Variants in GLIS3 observed in about 807,000 individuals in gnomAD.
The protein encoded by GLIS3 is zinc finger protein GLIS3.
GLIS3 carries 53 observed loss-of-function variants against 78.6 expected under a neutral mutation model. That is an observed-to-expected ratio of 0.67 (90% CI 0.54 to 0.85). The LOEUF (loss-of-function observed/expected upper bound fraction) is 0.85. Among genes scored for constraint, GLIS3 ranks in the 40% least tolerant of loss-of-function variants. The pLI is 0.00. For synonymous variants in GLIS3, 684 were observed against 509.9 expected, an observed-to-expected ratio of 1.34 and a Z score of -4.60; for missense variants, 1,703 against 1,231.1, an observed-to-expected ratio of 1.38 and a Z score of -5.74.
At chr9:4,100,946 T>C (rs1180989071) in intron 4 of GLIS3, among the ~76,000 whole-genome samples, 4 of 152,186 alleles carry the variant, frequency 2.6e-5, no homozygotes, top group African/African-American at 7.2e-5. Flanking sequence ...GCTGGAGTTA[T>C]GTAATATAAT....
intron 4 of GLIS3, among the ~76,000 whole-genome samples, chr9:4,088,640 C>A (rs909384438): frequency 6.6e-6 from 1 of 152,234 alleles, no homozygotes; most frequent in Non-Finnish European, 1.5e-5. Flanking sequence ...TGAGCACCAA[C>A]TATATATTGG....
At chr9:4,217,879 C>G (rs540082616) in intron 2 of GLIS3, among the ~76,000 whole-genome samples, 18 of 152,316 alleles carry the variant, frequency 1.2e-4, no homozygotes, top group Middle Eastern at 3.4e-3. Flanking sequence ...AAACAACCAA[C>G]AGACAATAAT....
intron 8 of GLIS3, chr9:3,875,744 A>T (rs1465489988): frequency 6.6e-6 from 1 of 152,192 alleles, no homozygotes; most frequent in Non-Finnish European, 1.5e-5. Flanking sequence ...CCATACTCAC[A>T]CTTGCCCACT....
At chr9:4,204,712 G>C (rs1819704621) in intron 2 of GLIS3, among the ~76,000 whole-genome samples, 1 of 152,166 alleles carries the variant, frequency 6.6e-6, no homozygotes, top group African/African-American at 2.4e-5. Context: ...GAGCTCAGGA[G>C]TTTGAGACCA....
chr9:3,953,202 GA>G (rs199856847), intron 4 of GLIS3, among the ~76,000 whole-genome samples: 25 of 151,892 alleles, frequency 1.6e-4, no homozygotes, highest in Non-Finnish European at 2.1e-4. Context: ...TCAGGCAGGG[GA>G]AAAAAAATGA....
rs773065162 is a variant in GLIS3, at chr9:3,829,398, C to T, written c.2568G>A (p.Ser856=). Residue 856 remains serine, a synonymous_variant, in exon 10 of 11, where the codon TCG becomes TCA. Coordinates refer to ENST00000381971, the MANE Select transcript of GLIS3 (RefSeq NM_001042413.2). The part of the protein sequence containing the change: ...PPVSSCSVVP[S]FEDCLVPTSM... ...ATGTAGGGACTAGGCAGTCCTCAAA[C>T]GAAGGCACCACACTGCAGGAGCTGA... is the stretch of plus-strand genomic sequence containing the variant. 1.2e-4 allele frequency: 201 copies of T among 1,613,990 alleles called. No individual in the cohort carries two copies. Among genetic ancestry groups the T allele is most frequent in the Admixed American group, 2.3e-4 (14 of 60,006 alleles).
At position 4,107,793 on chromosome 9, in the gene GLIS3, C is replaced by G. The variant is rs569011975; in HGVS notation, c.1710+9975G>C. Among the ~76,000 whole-genome samples the G allele has an allele frequency of 6.0e-5, 9 of 151,178 alleles. No homozygotes were observed. The East Asian group carries it at 1.2e-3, about 20-fold the overall frequency. Reference sequence around the variant, plus strand: ...TGGCTGGCATCATTTTCTGAGGAGCCAGAGACAACAAACTGTTCTTTTCTT... The same window carrying G: ...TGGCTGGCATCATTTTCTGAGGAGCGAGAGACAACAAACTGTTCTTTTCTT... On this transcript the variant is annotated intron_variant, in intron 4 of 10. Transcript: ENST00000381971.
intron 2 of GLIS3, among the ~76,000 whole-genome samples, chr9:4,224,205 T>C (rs1292009192): frequency 8.5e-5 from 13 of 152,150 alleles, no homozygotes; most frequent in African/African-American, 2.2e-4. Flanking sequence ...TCAACTCCTA[T>C]AGGGCTCAGT....
intron 3 of GLIS3, among the ~76,000 whole-genome samples, chr9:4,124,031 T>G (rs1006536882): frequency 2.6e-5 from 4 of 152,200 alleles, no homozygotes; most frequent in Admixed American, 2.6e-4. Flanking sequence ...AGTAAAATGT[T>G]GAACTTTGCC....
chr9:4,047,557 G>C (rs1335856107), intron 4 of GLIS3, among the ~76,000 whole-genome samples: 1 of 152,082 alleles, frequency 6.6e-6, no homozygotes, highest in Non-Finnish European at 1.5e-5. Flanking sequence ...CACTTACTTT[G>C]CATTTTAGCT....
intron 2 of GLIS3, among the ~76,000 whole-genome samples, chr9:4,158,593 G>A (rs564789330): frequency 6.6e-6 from 1 of 152,212 alleles, no homozygotes; most frequent in South Asian, 2.1e-4. Flanking sequence ...TTTTCCTATA[G>A]CACTTTGTTA....
the GLIS3 span, among the ~76,000 whole-genome samples, chr9:4,367,830 G>A: frequency 6.6e-6 from 1 of 152,158 alleles, no homozygotes; most frequent in South Asian, 2.1e-4. Context: ...CAGGTTTTAG[G>A]CTAGGTACTC....
At chr9:3,845,682 T>A (rs1225024970) in intron 9 of GLIS3, among the ~76,000 whole-genome samples, 1 of 152,190 alleles carries the variant, frequency 6.6e-6, no homozygotes, top group Non-Finnish European at 1.5e-5. Flanking sequence ...ATACCCGTAC[T>A]TGAGCAAGCA....
At chr9:4,322,167 T>C (rs1237255830) in intron 2 of GLIS3, among the ~76,000 whole-genome samples, 1 of 152,176 alleles carries the variant, frequency 6.6e-6, no homozygotes, top group Non-Finnish European at 1.5e-5. Flanking sequence ...CTCAGAATGA[T>C]GGTTTCCAGC....
chr9:4,234,808 T>A (rs148429599), intron 2 of GLIS3, among the ~76,000 whole-genome samples: 29 of 152,276 alleles, frequency 1.9e-4, no homozygotes, highest in African/African-American at 7.0e-4. Flanking sequence ...ATAAAGAGCT[T>A]AAGTGACCTG....
At chr9:4,236,750 GATTA>G (rs907928453) in intron 2 of GLIS3, among the ~76,000 whole-genome samples, 3 of 152,108 alleles carry the variant, frequency 2.0e-5, no homozygotes, top group Non-Finnish European at 4.4e-5. Flanking sequence ...CATAAAACAA[GATTA>G]ATTTTATTAA....
chr9:4,283,215 C>A (rs980372377), intron 2 of GLIS3, among the ~76,000 whole-genome samples: 1 of 151,886 alleles, frequency 6.6e-6, no homozygotes, highest in Non-Finnish European at 1.5e-5. Flanking sequence ...GTGGCCATAT[C>A]ATTCTGAGTG....
chr9:4,436,783 A>G, the GLIS3 span, among the ~76,000 whole-genome samples: 1 of 130,446 alleles, frequency 7.7e-6, no homozygotes, highest in Admixed American at 8.8e-5. Flanking sequence ...ATTGCACTCC[A>G]GCCTGGGCAA....
intron 2 of GLIS3, among the ~76,000 whole-genome samples, chr9:4,194,486 C>G (rs1413540978): frequency 6.6e-6 from 1 of 152,198 alleles, no homozygotes; most frequent in Non-Finnish European, 1.5e-5. Flanking sequence ...GGTAGATTCT[C>G]TCATCCAGAT....
Sources: allele counts gnomAD v4.1 joint callset (sites outside exome capture counted in the v4.1 genomes callset), GRCh38; gene constraint gnomAD v4.1.1; transcripts MANE v1.5; gene names NCBI Gene and HGNC (gene_info 2026-07-23, HGNC 2026-07-21).